The following FRMD6 variants were observed in gnomAD, a reference collection of about 807,000 sequenced individuals.
The protein encoded by FRMD6 is FERM domain containing 6.
In FRMD6, 37 loss-of-function variants were observed where a neutral mutation model predicts 73.2. That is an observed-to-expected ratio of 0.51 (90% CI 0.39 to 0.66). FRMD6 has a LOEUF of 0.66. Ranked by LOEUF, FRMD6 falls within the 30% of genes least tolerant of loss-of-function variation. The pLI is 0.00. For synonymous variants in FRMD6, 273 were observed against 282.2 expected (o/e 0.97, Z 0.33); for missense variants, 714 against 780.5 (o/e 0.91, Z 1.02).
At chr14:51,668,695 C>T (rs1435726171) in intron 1 of FRMD6, among the ~76,000 whole-genome samples, 1 of 151,526 alleles carries the variant, frequency 6.6e-6, no homozygotes, top group African/African-American at 2.4e-5. Context: ...GAGACTGAGT[C>T]TCCCTCTGTC....
chr14:51,589,807 G>C lies in FRMD6; in HGVS notation c.-147+19397G>C, dbSNP rs377587491. Among the ~76,000 whole-genome samples the C allele has an allele frequency of 3.9e-5, 6 of 152,258 alleles. No individual in the cohort carries two copies. In the East Asian group the frequency reaches 1.2e-3, roughly 29 times the overall value. ...AATGAGGCTGTGCATGGTGGCTCAC[G>C]CCTGTAATCCCAGTGCTTTGGGAGG... On this transcript the variant is annotated intron_variant, in intron 2 of 14. Transcript: ENST00000356218.
chr14:51,493,703 A>G (rs977092136), intron 1 of FRMD6, among the ~76,000 whole-genome samples: 6 of 152,220 alleles, frequency 3.9e-5, no homozygotes, highest in South Asian at 2.1e-4. Context: ...GTCATTTACT[A>G]TATGAATATA....
intron 1 of FRMD6, among the ~76,000 whole-genome samples, chr14:51,492,851 A>C (rs910809764): frequency 6.6e-6 from 1 of 152,208 alleles, no homozygotes; most frequent in African/African-American, 2.4e-5. Context: ...ACTAGGTGTG[A>C]TGGAGGCGGC....
chr14:51,517,805 G>A (rs1023207934), intron 1 of FRMD6, among the ~76,000 whole-genome samples: 5 of 152,116 alleles, frequency 3.3e-5, no homozygotes, highest in African/African-American at 9.7e-5. Context: ...AATACAAGCT[G>A]GCTCTCCGGT....
upstream of FRMD6, chr14:51,650,284 GTAAA>G (rs72145350): frequency 0.13 from 20,035 of 152,046 alleles, 1,418 homozygotes; most frequent in Middle Eastern, 0.21. Flanking sequence ...AGCTTCAGCT[GTAAA>G]TAAACACAAA....
At chr14:51,495,022 C>T (rs1883215270) in intron 1 of FRMD6, among the ~76,000 whole-genome samples, 1 of 152,164 alleles carries the variant, frequency 6.6e-6, no homozygotes, top group Non-Finnish European at 1.5e-5. Context: ...TCATTTCTCT[C>T]TTCTCACATT....
rs112547322 is a variant in FRMD6 at position 51,511,541 on chromosome 14, A to G, written c.-210+22121A>G. On this transcript the variant is annotated intron_variant, in intron 1 of 14. Coordinates refer to the FRMD6 transcript ENST00000356218. ...GGAATGTAAGACATTGGGGAGCTCT[A>G]TTATGTCACCATTTTATAGAGGGAA... Among the ~76,000 whole-genome samples, 678 of 152,352 alleles carry G rather than the reference A, an allele frequency of 4.5e-3. 3 individuals are homozygous for G. The highest frequency in any genetic ancestry group is 0.016 in the African/African-American group (654 of 41,580).
chr14:51,460,506 A>G, the FRMD6 span, among the ~76,000 whole-genome samples: 1 of 152,228 alleles, frequency 6.6e-6, no homozygotes, highest in Admixed American at 6.5e-5. Context: ...ATGTTTCCTT[A>G]AGGTAGTTTC....
chr14:51,428,454 G>A, the FRMD6 span, among the ~76,000 whole-genome samples: 2 of 152,188 alleles, frequency 1.3e-5, no homozygotes, highest in Non-Finnish European at 2.9e-5. Context: ...ATATGGAGCA[G>A]ACAACTCCAG....
At chr14:51,418,349 T>C in the FRMD6 span, among the ~76,000 whole-genome samples, 12 of 152,328 alleles carry the variant, frequency 7.9e-5, no homozygotes, top group African/African-American at 2.9e-4. Flanking sequence ...GGTGTGGATG[T>C]CCTTTTTGCT....
intron 1 of FRMD6, among the ~76,000 whole-genome samples, chr14:51,518,052 G>A (rs184978052): frequency 3.3e-5 from 5 of 152,296 alleles, no homozygotes; most frequent in East Asian, 3.9e-4. Context: ...AATTATCTTA[G>A]CATATTCCAG....
At chr14:51,623,482 A>G (rs904387213) in intron 2 of FRMD6, among the ~76,000 whole-genome samples, 1 of 152,228 alleles carries the variant, frequency 6.6e-6, no homozygotes, top group Non-Finnish European at 1.5e-5. Context: ...GCTGTCTTCC[A>G]GGTCTGTTAC....
At chr14:51,531,812 A>G (rs1782298294) in intron 1 of FRMD6, among the ~76,000 whole-genome samples, 1 of 152,248 alleles carries the variant, frequency 6.6e-6, no homozygotes, top group African/African-American at 2.4e-5. Flanking sequence ...TATTCATATC[A>G]GAAATACATT....
At chr14:51,581,886 T>A (rs1566482584) in intron 2 of FRMD6, among the ~76,000 whole-genome samples, 2 of 152,286 alleles carry the variant, frequency 1.3e-5, no homozygotes, top group East Asian at 3.9e-4. Context: ...AGTAGTGTCA[T>A]CCCCAAAGAG....
intron 1 of FRMD6, among the ~76,000 whole-genome samples, chr14:51,566,026 G>A (rs1009771928): frequency 4.6e-5 from 7 of 152,124 alleles, no homozygotes; most frequent in Admixed American, 6.5e-5. Flanking sequence ...TTAGCCGGGT[G>A]TGGTGGCGGG....
At chr14:51,533,614 C>T (rs988983996) in intron 1 of FRMD6, among the ~76,000 whole-genome samples, 2 of 152,180 alleles carry the variant, frequency 1.3e-5, no homozygotes, top group Admixed American at 6.5e-5. Flanking sequence ...GACATTTCTA[C>T]CAGGCTTGTC....
the FRMD6 span, among the ~76,000 whole-genome samples, chr14:51,443,156 A>G: frequency 6.6e-6 from 1 of 152,204 alleles, no homozygotes; most frequent in African/African-American, 2.4e-5. Context: ...GAAATAAAAC[A>G]TATTTGTTCC....
intron 2 of FRMD6, among the ~76,000 whole-genome samples, chr14:51,694,324 G>A (rs1451610911): frequency 1.3e-5 from 2 of 152,134 alleles, no homozygotes; most frequent in African/African-American, 4.8e-5. Flanking sequence ...TTTTTTTCTA[G>A]AGTATATTTT....
At chr14:51,651,730 T>C (rs894711765), upstream of FRMD6, 1 of 149,630 alleles carries the variant, frequency 6.7e-6, no homozygotes, top group African/African-American at 2.5e-5. Flanking sequence ...GCGCTCCCCG[T>C]ACTGCCGCGA....
Sources: gnomAD v4.1 joint callset for allele counts (sites outside exome capture counted in the v4.1 genomes callset) on GRCh38, gnomAD v4.1.1 for gene constraint, MANE v1.5 for transcripts, NCBI Gene and HGNC (gene_info 2026-07-23, HGNC 2026-07-21) for gene names.